The following CPNE8 variants were observed in gnomAD, a reference collection of about 807,000 sequenced individuals.
CPNE8 encodes copine-8.
In CPNE8, 45 loss-of-function variants were observed where a neutral mutation model predicts 81.5. That is an observed-to-expected ratio of 0.55 (90% CI 0.44 to 0.71). CPNE8 has a LOEUF of 0.71. Ranked by LOEUF, CPNE8 falls within the 30% of genes least tolerant of loss-of-function variation. The pLI is 0.00. For missense variants in CPNE8, 594 were observed against 672.1 expected, an observed-to-expected ratio of 0.88 and a Z score of 1.28; for synonymous variants, 252 against 226.3, an observed-to-expected ratio of 1.11 and a Z score of -1.02.
chr12:38,702,769 T>G (rs1939978599), intron 14 of CPNE8, 106 bp downstream of exon 14: 2 of 617,368 alleles, frequency 3.2e-6, no homozygotes, highest in East Asian at 3.3e-5. Context: ...TATGGAAAAC[T>G]TCAGAAGTAT....
intron 19 of CPNE8, among the ~76,000 whole-genome samples, chr12:38,668,444 CT>C (rs1166888694): frequency 2.6e-5 from 4 of 152,128 alleles, no homozygotes; most frequent in African/African-American, 9.7e-5. Context: ...ACCTATTGGT[CT>C]TCTGAAAGGA....
chr12:38,706,665 A>G (rs923252730), intron 13 of CPNE8, among the ~76,000 whole-genome samples: 11 of 152,332 alleles, frequency 7.2e-5, no homozygotes, highest in African/African-American at 2.2e-4. Flanking sequence ...ATAAAGATCA[A>G]TTTAGAAGTC....
chr12:38,690,500 G>T (rs1426559814), intron 15 of CPNE8, among the ~76,000 whole-genome samples: 8 of 152,118 alleles, frequency 5.3e-5, no homozygotes, highest in Non-Finnish European at 7.4e-5. Context: ...AATTTGAGAG[G>T]CTATTCTTCA....
chr12:38,902,871 C>G (rs183930458), intron 1 of CPNE8, among the ~76,000 whole-genome samples: 1 of 152,230 alleles, frequency 6.6e-6, no homozygotes, highest in African/African-American at 2.4e-5. Flanking sequence ...TGTGTAAGCG[C>G]TTTCACACAT....
chr12:38,807,200 C>T (rs955319463), intron 6 of CPNE8, among the ~76,000 whole-genome samples: 3 of 150,552 alleles, frequency 2.0e-5, no homozygotes, highest in African/African-American at 7.3e-5. Flanking sequence ...AGATTCAATG[C>T]CATTCCCATC....
intron 19 of CPNE8, among the ~76,000 whole-genome samples, chr12:38,655,225 G>A (rs1411708993): frequency 6.6e-6 from 1 of 152,146 alleles, no homozygotes; most frequent in African/African-American, 2.4e-5. Flanking sequence ...CTTTATATAT[G>A]TAATTATGTG....
At chr12:38,803,040 A>G (rs1353605181) in intron 6 of CPNE8, among the ~76,000 whole-genome samples, 1 of 76,600 alleles carries the variant, frequency 1.3e-5, no homozygotes, top group African/African-American at 4.9e-5. Flanking sequence ...AAAAGAGTCC[A>G]GGACCAGATG....
chr12:38,709,259 C>A (rs1233753023), intron 13 of CPNE8, among the ~76,000 whole-genome samples: 1 of 152,202 alleles, frequency 6.6e-6, no homozygotes, highest in East Asian at 1.9e-4. Context: ...AAACCCTGAG[C>A]CCTTTTCTGT....
intron 6 of CPNE8, among the ~76,000 whole-genome samples, chr12:38,827,254 A>G (rs1943214541): frequency 6.6e-6 from 1 of 152,144 alleles, no homozygotes; most frequent in South Asian, 2.1e-4. Context: ...AGAAATGCAA[A>G]TAAAAACCAT....
Position 38,825,521 on chromosome 12 carries a change from T to C in CPNE8, c.407+3858A>G, listed in dbSNP as rs139260291. Among the ~76,000 whole-genome samples the C allele has an allele frequency of 2.0e-5, 3 of 152,340 alleles. No homozygotes were observed. The East Asian group carries it at 5.8e-4, about 29-fold the overall frequency. The stretch of plus-strand genomic sequence containing the variant: ...AGCTTCCATGAAAACAGCATTTTGC[T>C]CTTCCTCAACCCAATTGTGCTTTTT... On this transcript the variant is annotated intron_variant, in intron 6 of 19. Coordinates refer to ENST00000331366, the MANE Select transcript of CPNE8 (RefSeq NM_153634.3).
chr12:38,839,807 T>G, intron 5 of CPNE8, 109 bp downstream of exon 5: 1 of 984,424 alleles, frequency 1.0e-6, no homozygotes, highest in South Asian at 2.9e-5. Context: ...TCTATGACAA[T>G]CACGTTACAT....
chr12:38,693,639 C>A lies in CPNE8; in HGVS notation c.1143+18G>T. On this transcript the variant is annotated intron_variant, in intron 15 of 19. Coordinates refer to ENST00000331366, the MANE Select transcript of CPNE8 (RefSeq NM_153634.3). ...CATTAATTTTTCAAAACATCAAATC[C>A]TTTTGACAAATTCTTACCAAAGCAA... is the stretch of plus-strand genomic sequence containing the variant. 6.3e-7 allele frequency: 1 copy of A among 1,594,238 alleles called. No homozygotes were observed. Among genetic ancestry groups the A allele is most frequent in the East Asian group, 2.3e-5 (1 of 44,354 alleles).
intron 6 of CPNE8, among the ~76,000 whole-genome samples, chr12:38,799,378 C>T (rs984080107): frequency 2.6e-5 from 4 of 152,082 alleles, no homozygotes; most frequent in African/African-American, 9.7e-5. Flanking sequence ...AACTAGAACT[C>T]AGGATTAAGA....
rs1263680248 is a variant in CPNE8, at chr12:38,902,397, A to G, written c.98+3040T>C. 1.6e-4 allele frequency among the ~76,000 whole-genome samples: 23 copies of G among 139,436 alleles called. 2 individuals are homozygous for G. The highest frequency in any genetic ancestry group is 6.6e-4 in the African/African-American group (21 of 31,912). 91.5% of individuals were successfully genotyped at this position (139,436 alleles called of 152,430 possible). Reference sequence around the variant, plus strand: ...GAAAGAAAGAAAAGAAAGAAAGAGAAAGAAAGAAAGAAAGAAAGAAAAAGA... The same window carrying G: ...GAAAGAAAGAAAAGAAAGAAAGAGAGAGAAAGAAAGAAAGAAAGAAAAAGA... On this transcript the variant is annotated intron_variant, in intron 1 of 19. Transcript: ENST00000331366.
At chr12:38,836,095 T>C (rs1397344318) in intron 5 of CPNE8, among the ~76,000 whole-genome samples, 2 of 152,182 alleles carry the variant, frequency 1.3e-5, no homozygotes, top group Non-Finnish European at 2.9e-5. Flanking sequence ...GTATGCTATG[T>C]AGTTCTGCTA....
chr12:38,705,709 C>CA (rs1490382011), intron 13 of CPNE8, among the ~76,000 whole-genome samples: 1 of 152,044 alleles, frequency 6.6e-6, no homozygotes, highest in African/African-American at 2.4e-5. Context: ...GACTGTGATA[C>CA]ATGGCAGTAA....
intron 6 of CPNE8, among the ~76,000 whole-genome samples, chr12:38,818,291 C>T (rs908756754): frequency 6.6e-6 from 1 of 152,088 alleles, no homozygotes; most frequent in Non-Finnish European, 1.5e-5. Flanking sequence ...CCCTGGTCCC[C>T]CACCCCATGA....
At chr12:38,716,190 G>A (rs1940386649) in intron 13 of CPNE8, among the ~76,000 whole-genome samples, 1 of 152,102 alleles carries the variant, frequency 6.6e-6, no homozygotes, top group African/African-American at 2.4e-5. Flanking sequence ...CTCATGGATG[G>A]AAAGAATCAA....
chr12:38,742,905 T>G (rs961758572), intron 10 of CPNE8, among the ~76,000 whole-genome samples: 70 of 151,480 alleles, frequency 4.6e-4, no homozygotes, highest in African/African-American at 1.6e-3. Flanking sequence ...TCCGTAAACA[T>G]TTTTTCATGT....
Sources: gnomAD v4.1 joint callset for allele counts (sites outside exome capture counted in the v4.1 genomes callset) on GRCh38, gnomAD v4.1.1 for gene constraint, MANE v1.5 for transcripts, NCBI Gene and HGNC (gene_info 2026-07-23, HGNC 2026-07-21) for gene names.